ABCC1: variants seen among roughly 807,000 people sequenced by gnomAD.
ABCC1 encodes the protein ATP binding cassette subfamily C member 1 (ABCC1 blood group), also known as multidrug resistance-associated protein 1.
ABCC1 carries 83 observed loss-of-function variants against 172.9 expected under a neutral mutation model. The ratio of observed to expected loss-of-function variants is 0.48; its 90% CI spans 0.40 to 0.58. The LOEUF (loss-of-function observed/expected upper bound fraction) is 0.58, where lower values mean the gene tolerates loss of function less well. Ranked by LOEUF, ABCC1 falls within the 20% of genes least tolerant of loss-of-function variation. The probability of loss-of-function intolerance (pLI) is 0.00; values close to 1 mark genes in which losing one functional copy is unlikely to be tolerated. For synonymous variants in ABCC1, 937 were observed against 825.2 expected (o/e 1.14, Z -2.32); for missense variants, 1,817 against 2,002.7 (o/e 0.91, Z 1.77).
rs28364000 is a variant in ABCC1 at position 16,114,866 on chromosome 16, C to T, written c.3180C>T (p.Pro1060=). 6.2e-7 allele frequency: 1 copy of T among 1,613,972 alleles called. No individual in the cohort carries two copies. Among genetic ancestry groups the T allele is most frequent in the Non-Finnish European group, 8.5e-7 (1 of 1,179,946 alleles). ...TGCTGCACAGCATCCTGCGGTCACC[C>T]ATGAGCTTCTTTGAGCGGACCCCCA... ...VDLLHSILRS[P]MSFFERTPSG... is the part of the protein sequence containing the mutation. Residue 1060 remains proline (P), a synonymous_variant, in exon 23 of 31, where the codon CCC becomes CCT. Transcript: ENST00000399410.
At chr16:16,113,879 G>A (rs768972385) in intron 22 of ABCC1, among the ~76,000 whole-genome samples, 4 of 152,080 alleles carry the variant, frequency 2.6e-5, no homozygotes, top group Admixed American at 2.6e-4. Context: ...CAGAAGAAGC[G>A]CACAGTCTAG....
chr16:16,134,213 G>A (rs762648211), intron 27 of ABCC1, 137 bp from the exon 28 acceptor site: 82 of 1,051,558 alleles, frequency 7.8e-5, no homozygotes, highest in Admixed American at 5.9e-4. Context: ...TCTGGGCAGC[G>A]CGCAAGGGAG....
chr16:15,995,654 G>C (rs565142598), intron 1 of ABCC1, among the ~76,000 whole-genome samples: 3 of 152,096 alleles, frequency 2.0e-5, no homozygotes, highest in Admixed American at 6.6e-5. Context: ...ATAAGAACCC[G>C]ACTGTTGCAA....
At chr16:16,048,997 AAGT>A (rs1358757902) in intron 10 of ABCC1, among the ~76,000 whole-genome samples, 3 of 152,120 alleles carry the variant, frequency 2.0e-5, no homozygotes, top group Admixed American at 1.3e-4. Flanking sequence ...AAAAAAAAAA[AAGT>A]AGCCTAAGTA....
At chr16:15,980,742 A>C (rs1362485191) in intron 1 of ABCC1, among the ~76,000 whole-genome samples, 4 of 152,090 alleles carry the variant, frequency 2.6e-5, no homozygotes, top group Non-Finnish European at 4.4e-5. Flanking sequence ...GCCCCTCCCA[A>C]ATCTCATGTC....
intron 27 of ABCC1, among the ~76,000 whole-genome samples, chr16:16,132,569 C>T (rs1408475454): frequency 2.4e-5 from 3 of 127,578 alleles, no homozygotes; most frequent in South Asian, 5.2e-4. Context: ...TTGCCAAGGC[C>T]AGAGTGCAGG....
At chr16:16,043,222 GTT>G (rs147161637) in intron 7 of ABCC1, among the ~76,000 whole-genome samples, 5 of 89,508 alleles carry the variant, frequency 5.6e-5, no homozygotes, top group African/African-American at 2.0e-4. Context: ...TGGCTGGACT[GTT>G]TTTTTTTTTT....
chr16:15,958,683 C>T (rs1243302957), intron 1 of ABCC1, among the ~76,000 whole-genome samples: 2 of 152,180 alleles, frequency 1.3e-5, no homozygotes, highest in African/African-American at 4.8e-5. Context: ...CATCCTGAGG[C>T]AAGCTTCCCC....
At chr16:15,967,202 A>G (rs2046262733) in intron 1 of ABCC1, among the ~76,000 whole-genome samples, 1 of 152,096 alleles carries the variant, frequency 6.6e-6, no homozygotes, top group Non-Finnish European at 1.5e-5. Context: ...GGCTGGGGTG[A>G]AGAGATGTTG....
intron 20 of ABCC1, among the ~76,000 whole-genome samples, chr16:16,104,619 A>G (rs1214284568): frequency 2.0e-5 from 3 of 152,318 alleles, no homozygotes; most frequent in African/African-American, 7.2e-5. Flanking sequence ...GGTGGATGCC[A>G]CACTGGGGCT....
chr16:15,989,573 C>T (rs1460640285), intron 1 of ABCC1, among the ~76,000 whole-genome samples: 2 of 152,140 alleles, frequency 1.3e-5, no homozygotes, highest in African/African-American at 2.4e-5. Flanking sequence ...CCCTCTGCAG[C>T]GTTGTTTCTG....
intron 24 of ABCC1, among the ~76,000 whole-genome samples, chr16:16,122,823 G>T (rs935131897): frequency 1.3e-5 from 2 of 151,752 alleles, no homozygotes; most frequent in African/African-American, 4.8e-5. Flanking sequence ...GTTCAAAGTT[G>T]CATTGAGCTA....
intron 13 of ABCC1, among the ~76,000 whole-genome samples, chr16:16,068,976 A>G (rs1186145426): frequency 6.7e-6 from 1 of 149,786 alleles, no homozygotes; most frequent in Non-Finnish European, 1.5e-5. Flanking sequence ...GACACAGCAA[A>G]AACTCCGTCT....
At chr16:16,033,279 T>C (rs1378548350) in intron 6 of ABCC1, 109 bp downstream of exon 6, 7 of 1,107,500 alleles carry the variant, frequency 6.3e-6, no homozygotes, top group Non-Finnish European at 8.1e-6. Context: ...CCTCCTTTGC[T>C]CTTCTGCAGA....
At chr16:15,998,177 C>A (rs575860459) in intron 1 of ABCC1, among the ~76,000 whole-genome samples, 1 of 4,936 alleles carries the variant, frequency 2.0e-4, no homozygotes, top group Non-Finnish European at 7.8e-4. Context: ...GCTGGAGTGC[C>A]TGGGTGGGAC....
chr16:16,099,700 A>G (rs538913559), intron 19 of ABCC1, among the ~76,000 whole-genome samples: 1 of 152,272 alleles, frequency 6.6e-6, no homozygotes, highest in East Asian at 1.9e-4. Flanking sequence ...GCGACCTCAG[A>G]CAGTGCCCAC....
chr16:15,959,038 T>C (rs1409603113), intron 1 of ABCC1, among the ~76,000 whole-genome samples: 1 of 152,050 alleles, frequency 6.6e-6, no homozygotes, highest in Non-Finnish European at 1.5e-5. Context: ...CAGCCACTGG[T>C]GTGGAGGAAT....
At chr16:16,133,375 TTTG>T (rs926286313) in intron 27 of ABCC1, among the ~76,000 whole-genome samples, 15 of 142,368 alleles carry the variant, frequency 1.1e-4, no homozygotes, top group African/African-American at 4.5e-4. Flanking sequence ...GCTGTCTTTT[TTTG>T]TTTTTGTTTT....
chr16:16,090,612 C>T (rs2051212983), intron 19 of ABCC1, 24 bp downstream of exon 19: 3 of 1,549,648 alleles, frequency 1.9e-6, no homozygotes, highest in Non-Finnish European at 2.6e-6. Flanking sequence ...CAGGGTTCCA[C>T]CCACTCAGGG....
Sources: gnomAD v4.1 joint callset for allele counts (sites outside exome capture counted in the v4.1 genomes callset) on GRCh38, gnomAD v4.1.1 for gene constraint, MANE v1.5 for transcripts, NCBI Gene and HGNC (gene_info 2026-07-23, HGNC 2026-07-21) for gene names.